Variants in COLQ observed in about 807,000 individuals in gnomAD.
COLQ encodes acetylcholinesterase collagenic tail peptide.
A neutral mutation model predicts 69.0 loss-of-function variants in COLQ; 48 were observed. That is an observed-to-expected ratio of 0.70 (90% CI 0.55 to 0.88). COLQ has a LOEUF of 0.88. Among genes scored for constraint, COLQ ranks in the 40% least tolerant of loss-of-function variants. The probability of loss-of-function intolerance (pLI) is 0.00; values close to 1 mark genes in which losing one functional copy is unlikely to be tolerated. For synonymous variants in COLQ, 217 were observed against 211.2 expected (o/e 1.03, Z -0.24); for missense variants, 618 against 594.6 (o/e 1.04, Z -0.41).
chr3:15,467,981 G>A (rs2062225731), intron 11 of COLQ: 2 of 456,596 alleles, frequency 4.4e-6, no homozygotes, highest in Non-Finnish European at 8.8e-6. Flanking sequence ...TTAAGCCTCA[G>A]CCTAGCTGAA....
chr3:15,501,148 T>C lies in COLQ; in HGVS notation c.107-11511A>G, dbSNP rs547728244. ...GCAAGAGCTGCCTGTAAAATCTAATTCACAATACAAGTTTCTGGGGCCTTC... is the reference window on the plus strand; with the variant it reads ...GCAAGAGCTGCCTGTAAAATCTAATCCACAATACAAGTTTCTGGGGCCTTC... On this transcript the variant is annotated intron_variant, in intron 1 of 16. Coordinates refer to ENST00000383788, the MANE Select transcript of COLQ (RefSeq NM_005677.4). Among the ~76,000 whole-genome samples the C allele has an allele frequency of 7.9e-4, 121 of 152,300 alleles. 3 individuals are homozygous for C. Among genetic ancestry groups the C allele is most frequent in the Middle Eastern group, 6.8e-3 (2 of 294 alleles).
intron 3 of COLQ, among the ~76,000 whole-genome samples, chr3:15,487,875 G>A (rs961516853): frequency 6.6e-6 from 1 of 152,138 alleles, no homozygotes. Context: ...GTTACATAAG[G>A]GGCACTGTCA....
chr3:15,488,350 G>T (rs764042481), intron 2 of COLQ, 43 bp from the exon 3 acceptor site: 4 of 1,546,146 alleles, frequency 2.6e-6, no homozygotes, highest in Admixed American at 3.4e-5. Flanking sequence ...AGGCGTAGGG[G>T]ACAGAGGAAG....
rs928939488 is a variant in COLQ, at chr3:15,477,116, C to T, written c.465+10G>A. 4.4e-6 allele frequency: 7 copies of T among 1,597,026 alleles called. No individual in the cohort carries two copies. Among genetic ancestry groups the T allele is most frequent in the Non-Finnish European group, 6.0e-6 (7 of 1,171,986 alleles). The stretch of plus-strand genomic sequence containing the variant: ...ACACCGCATGAGCCCTGAGAGCATG[C>T]CACACTTACCCTGGGTCCTTCAGGG... On this transcript the variant is annotated intron_variant, in intron 6 of 16. Coordinates refer to ENST00000383788, the MANE Select transcript of COLQ (RefSeq NM_005677.4).
chr3:15,505,293 C>T (rs1165443537), intron 1 of COLQ, among the ~76,000 whole-genome samples: 1 of 152,166 alleles, frequency 6.6e-6, no homozygotes, highest in East Asian at 1.9e-4. Flanking sequence ...CCACCCCTAA[C>T]CCACAGAGAT....
At chr3:15,506,181 C>T (rs945164931) in intron 1 of COLQ, among the ~76,000 whole-genome samples, 3 of 152,186 alleles carry the variant, frequency 2.0e-5, no homozygotes, top group East Asian at 1.9e-4. Context: ...AAACCTTAGG[C>T]TTTTTGCAGC....
intron 1 of COLQ, among the ~76,000 whole-genome samples, chr3:15,489,991 T>A (rs1333243628): frequency 6.6e-6 from 1 of 152,206 alleles, no homozygotes; most frequent in Non-Finnish European, 1.5e-5. Context: ...GAGAAGAAAG[T>A]GCTTGCTAAT....
At chr3:15,497,639 C>G (rs1288404941) in intron 1 of COLQ, among the ~76,000 whole-genome samples, 1 of 152,186 alleles carries the variant, frequency 6.6e-6, no homozygotes, top group Admixed American at 6.5e-5. Flanking sequence ...GTGGACTAGT[C>G]AGCTTTTTAC....
At chr3:15,462,939 C>A (rs978627793) in intron 12 of COLQ, among the ~76,000 whole-genome samples, 2 of 152,084 alleles carry the variant, frequency 1.3e-5, no homozygotes, top group East Asian at 3.9e-4. Flanking sequence ...GAGGGCAGGG[C>A]GTGATTGGGC....
chr3:15,519,402 C>T (rs2063105490), intron 1 of COLQ, among the ~76,000 whole-genome samples: 1 of 152,212 alleles, frequency 6.6e-6, no homozygotes. Flanking sequence ...AGATGGTGTA[C>T]TTCTCCTTCA....
intron 1 of COLQ, among the ~76,000 whole-genome samples, chr3:15,497,036 CTTTTTTTTTT>C (rs371974104): frequency 8.4e-5 from 9 of 107,522 alleles, no homozygotes; most frequent in Non-Finnish European, 8.9e-5. Flanking sequence ...GTCCTTTTGC[CTTTTTTTTTT>C]TTTTTTTTTT....
chr3:15,462,338 CTT>C (rs2062131667), intron 12 of COLQ, among the ~76,000 whole-genome samples: 1 of 152,126 alleles, frequency 6.6e-6, no homozygotes, highest in Non-Finnish European at 1.5e-5. Flanking sequence ...CTGAATATCT[CTT>C]TTTAACTCCT....
At chr3:15,452,592 G>A (rs1017501766) in intron 16 of COLQ, among the ~76,000 whole-genome samples, 4 of 152,038 alleles carry the variant, frequency 2.6e-5, no homozygotes, top group Non-Finnish European at 4.4e-5. Context: ...GGCTCTACTC[G>A]ATCCTGTACT....
intron 5 of COLQ, 44 bp from the exon 6 acceptor site, chr3:15,477,241 C>T (rs374023822): frequency 1.5e-4 from 222 of 1,528,456 alleles, no homozygotes; most frequent in Non-Finnish European, 1.9e-4. Flanking sequence ...GGGTTTGTTT[C>T]TTTACTTCTA....
At chr3:15,514,751 C>T (rs942474616) in intron 1 of COLQ, among the ~76,000 whole-genome samples, 2 of 152,004 alleles carry the variant, frequency 1.3e-5, no homozygotes, top group Admixed American at 1.3e-4. Context: ...AGTCACATGC[C>T]CAGAGGGGGC....
intron 3 of COLQ, among the ~76,000 whole-genome samples, chr3:15,483,208 C>T (rs900795866): frequency 7.9e-5 from 12 of 152,206 alleles, no homozygotes; most frequent in Admixed American, 2.0e-4. Flanking sequence ...GTGTCTCTAT[C>T]TCCATCAGTT....
At chr3:15,493,150 C>T (rs1214120230) in intron 1 of COLQ, among the ~76,000 whole-genome samples, 5 of 152,254 alleles carry the variant, frequency 3.3e-5, no homozygotes, top group Admixed American at 6.5e-5. Flanking sequence ...TTCCAGACCA[C>T]GAAAATATCT....
At chr3:15,499,846 T>C (rs1382328003) in intron 1 of COLQ, among the ~76,000 whole-genome samples, 1 of 152,230 alleles carries the variant, frequency 6.6e-6, no homozygotes, top group East Asian at 1.9e-4. Flanking sequence ...AAGTTATTCA[T>C]TCTTTCGGAG....
chr3:15,489,904 A>G (rs1178059285), intron 1 of COLQ, among the ~76,000 whole-genome samples: 1 of 152,232 alleles, frequency 6.6e-6, no homozygotes, highest in African/African-American at 2.4e-5. Flanking sequence ...TTCCTCAGAT[A>G]CTGACTTGTC....
Sources: allele counts gnomAD v4.1 joint callset (sites outside exome capture counted in the v4.1 genomes callset), GRCh38; gene constraint gnomAD v4.1.1; transcripts MANE v1.5; gene names NCBI Gene and HGNC (gene_info 2026-07-23, HGNC 2026-07-21).